Variants in WDR81 observed in about 807,000 individuals in gnomAD.
WDR81 encodes WD repeat-containing protein 81.
A neutral mutation model predicts 140.8 loss-of-function variants in WDR81; 92 were observed. The ratio of observed to expected loss-of-function variants is 0.65; its 90% CI spans 0.55 to 0.78. WDR81 has a LOEUF of 0.78. Among genes scored for constraint, WDR81 ranks in the 30% least tolerant of loss-of-function variants. The pLI, the probability that WDR81 is intolerant of heterozygous loss-of-function variation, is 0.00. For synonymous variants in WDR81, 1,183 were observed against 1,156.4 expected (o/e 1.02, Z -0.47); for missense variants, 2,502 against 2,636.4 (o/e 0.95, Z 1.12).
At position 1,726,085 on chromosome 17, in the gene WDR81, G is replaced by A; in HGVS notation, c.1126G>A (p.Asp376Asn). 1 of 1,547,814 alleles carries A rather than the reference G, an allele frequency of 6.5e-7. No individual in the cohort carries two copies. Among genetic ancestry groups the A allele is most frequent in the Non-Finnish European group, 8.7e-7 (1 of 1,145,146 alleles). Residue 376 changes from aspartate to asparagine, a missense_variant, in exon 1 of 10, where the codon GAC (aspartate) becomes AAC (asparagine). Asp to Asn is a conservative substitution (Grantham distance 23, BLOSUM62 1). This residue lies in a region of WDR81 where 547 missense variants were observed against 513.8 expected (regional missense o/e 1.06). Coordinates refer to ENST00000409644, the MANE Select transcript of WDR81 (RefSeq NM_001163809.2). ...TCGGTTGGCAGGTCGGCGGCAGGGG[G>A]ACCCCAACTACCACCCCGTGCTGCC... The part of the protein sequence containing the change: ...LNRLAGRRQG[D>N]PNYHPVLPWV...
chr17:1,725,143 TGGCTGGCCAGCCTCCGCGATCGCC>T lies in WDR81; in HGVS notation c.190_213del (p.Ala64_Leu71del). ...CGTGGTGGCCCTAGTGCCTGCGCGC[TGGCTGGCCAGCCTCCGCGATCGCC>T]GGCTGCCCCTGGGACCCTGTCCCCG... On this transcript the variant is annotated inframe_deletion, in exon 1 of 10. Coordinates refer to ENST00000409644, the MANE Select transcript of WDR81 (RefSeq NM_001163809.2). The T allele has an allele frequency of 6.5e-7, 1 of 1,531,794 alleles. No homozygotes were observed. The highest frequency in any genetic ancestry group is 8.7e-7 in the Non-Finnish European group (1 of 1,143,000). The allele number at this position is 1,531,794 out of a possible 1,614,324, so 94.9% of individuals were successfully genotyped here.
In WDR81 at chr17:1,728,424, AGAG is replaced by A. The variant is rs771114477; in HGVS notation, c.3477_3479del (p.Glu1159del). 53 of 1,612,194 alleles carry A rather than the reference AGAG, an allele frequency of 3.3e-5. No individual in the cohort carries two copies. Among genetic ancestry groups the A allele is most frequent in the Admixed American group, 2.8e-4 (17 of 59,900 alleles). On this transcript the variant is annotated inframe_deletion, in exon 1 of 10. Transcript: ENST00000409644. ...AGCAAAGCGAGGGCTCCGAGGAGGA[AGAG>A]GAGGAGGAGGACAGCTGCGTGGTGC...
chr17:1,727,955 C>T lies in WDR81; in HGVS notation c.2996C>T (p.Ala999Val). The change falls in exon 1 of 10, where the codon GCA becomes GTA. Residue 999 changes from alanine to valine, a missense_variant. Around this residue, in one of 3 missense-constraint regions of WDR81, gnomAD observed 1,737 missense variants for 1,843.0 expected, o/e 0.94. Transcript: ENST00000409644. The part of the protein sequence containing the change: ...AQLMVRLGLQ[A>V]FLTHLLPHVL... ...CTGATGGTGCGGCTGGGCCTGCAGG[C>T]ATTTCTCACTCACCTGCTGCCCCAT... The T allele has an allele frequency of 1.3e-6, 2 of 1,550,266 alleles. No homozygotes were observed. The highest frequency in any genetic ancestry group is 1.7e-6 in the Non-Finnish European group (2 of 1,147,008).
At position 1,733,524 on chromosome 17, in the gene WDR81, C is replaced by A. The variant is rs1258734789; in HGVS notation, c.4490-3C>A. Reference sequence around the variant, plus strand: ...TCTCAGGACCTCTCCCACTCCTATCCAGGTGACATCATCCGGAAAATCATC... The same window carrying A: ...TCTCAGGACCTCTCCCACTCCTATCAAGGTGACATCATCCGGAAAATCATC... On this transcript the variant is annotated splice_region_variant and splice_polypyrimidine_tract_variant and intron_variant, in intron 6 of 9. Transcript: ENST00000409644. 1 of 1,515,802 alleles carries A rather than the reference C, an allele frequency of 6.6e-7. No homozygotes were observed. The highest frequency in any genetic ancestry group is 8.8e-7 in the Non-Finnish European group (1 of 1,133,400). The allele number at this position is 1,515,802 out of a possible 1,614,324, so 93.9% of individuals were successfully genotyped here. A position where few individuals can be genotyped will look rare whatever the true frequency, so the allele number is the denominator to read the frequency against.
At chr17:1,724,676 G>C (rs1915088865), upstream of WDR81, 1 of 1,055,676 alleles carries the variant, frequency 9.5e-7, no homozygotes, top group Non-Finnish European at 1.1e-6. Flanking sequence ...GCTTGTTTCC[G>C]TGCTGGGGCG....
At chr17:1,718,316 C>A (rs1374672686) in intron 1 of WDR81, among the ~76,000 whole-genome samples, 1 of 152,176 alleles carries the variant, frequency 6.6e-6, no homozygotes, top group East Asian at 1.9e-4. Context: ...TGGTGTTTTG[C>A]CATGTGGGCC....
chr17:1,720,254 G>C (rs568174287), upstream of WDR81, among the ~76,000 whole-genome samples: 107 of 152,264 alleles, frequency 7.0e-4, no homozygotes, highest in African/African-American at 2.5e-3. Context: ...ACTGAGGCTG[G>C]CCAAGGGGAG....
chr17:1,719,228 A>T (rs1567713745), intron 1 of WDR81, among the ~76,000 whole-genome samples: 1 of 152,194 alleles, frequency 6.6e-6, no homozygotes, highest in Non-Finnish European at 1.5e-5. Context: ...TGTTGTAGGG[A>T]TTTCAACATT....
intron 9 of WDR81, among the ~76,000 whole-genome samples, chr17:1,736,611 G>C (rs935130054): frequency 2.0e-5 from 3 of 152,212 alleles, no homozygotes; most frequent in African/African-American, 7.2e-5. Flanking sequence ...TTTACTGCCT[G>C]TAGACCGCTG....
intron 1 of WDR81, chr17:1,716,717 G>T: frequency 6.9e-7 from 1 of 1,452,018 alleles, no homozygotes; most frequent in Non-Finnish European, 9.4e-7. Context: ...TTGGAGTCGT[G>T]AGTGCTTCTT....
chr17:1,716,863 T>C (rs918215408), intron 1 of WDR81: 1 of 594,736 alleles, frequency 1.7e-6, no homozygotes, highest in Non-Finnish European at 3.0e-6. Context: ...TGGAGAGCTC[T>C]CCAGGGTTTT....
At position 1,727,977 on chromosome 17, in the gene WDR81, C is replaced by G; in HGVS notation, c.3018C>G (p.Pro1006=). 6.5e-7 allele frequency: 1 copy of G among 1,550,348 alleles called. No homozygotes were observed. The part of the protein sequence containing the change: ...GLQAFLTHLL[P]HVLQVLAGAE... ...AGGCATTTCTCACTCACCTGCTGCC[C>G]CATGTCCTGCAGGTGCTGGCGGGCG... Residue 1006 remains proline, a synonymous_variant, in exon 1 of 10, where the codon CCC becomes CCG. Coordinates refer to ENST00000409644, the MANE Select transcript of WDR81 (RefSeq NM_001163809.2).
intron 5 of WDR81, 66 bp downstream of exon 5, chr17:1,732,556 C>T: frequency 6.3e-7 from 1 of 1,577,762 alleles, no homozygotes; most frequent in East Asian, 2.3e-5. Context: ...ACCCCCTGGG[C>T]ATCTTGCTCA....
rs1043015776 is a variant in WDR81, at chr17:1,738,583, C to G, written c.*898C>G. ...AGGACCAATAAATCCTTTGGAAGAGCCATGGGGTGAACTGAGGCTTGTCTT... is the reference window on the plus strand; with the variant it reads ...AGGACCAATAAATCCTTTGGAAGAGGCATGGGGTGAACTGAGGCTTGTCTT... On this transcript the variant is annotated 3_prime_UTR_variant, in exon 10 of 10. Coordinates refer to ENST00000409644, the MANE Select transcript of WDR81 (RefSeq NM_001163809.2). 3 of 151,338 alleles carry G rather than the reference C, an allele frequency of 2.0e-5. No homozygotes were observed. Among genetic ancestry groups the G allele is most frequent in the Non-Finnish European group, 2.9e-5 (2 of 68,468 alleles). The allele number at this position is 151,338 out of a possible 1,614,324, so 9.4% of individuals were successfully genotyped here. A position where few individuals can be genotyped will look rare whatever the true frequency, so the allele number is the denominator to read the frequency against.
In WDR81 at chr17:1,727,746, C is replaced by T. The variant is rs1238189461; in HGVS notation, c.2787C>T (p.Leu929=). ...TGGAGATCCTGCTGCCCTTCGTGCT[C>T]TCACTCATGTCCGAGGAGCACACAG... The part of the protein sequence containing the change: ...EGLEILLPFV[L]SLMSEEHTAV... Residue 929 remains leucine, a synonymous_variant, in exon 1 of 10, where the codon CTC becomes CTT. Transcript: ENST00000409644. 2 of 1,550,640 alleles carry T rather than the reference C, an allele frequency of 1.3e-6. No individual in the cohort carries two copies. Among genetic ancestry groups the T allele is most frequent in the African/African-American group, 1.4e-5 (1 of 73,062 alleles).
chr17:1,725,537 G>A lies in WDR81; in HGVS notation c.578G>A (p.Gly193Asp). 1 of 1,545,292 alleles carries A rather than the reference G, an allele frequency of 6.5e-7. No individual in the cohort carries two copies. Among genetic ancestry groups the A allele is most frequent in the Non-Finnish European group, 8.7e-7 (1 of 1,146,970 alleles). Residue 193 changes from glycine to aspartate, a missense_variant, in exon 1 of 10, where the codon GGT becomes GAT. Coordinates refer to ENST00000409644, the MANE Select transcript of WDR81 (RefSeq NM_001163809.2). ...RVYGCSFLPV[G>D]ETTQCPSYAR... ...TATGGTTGCTCCTTCCTGCCAGTGG[G>A]TGAAACTACCCAATGCCCTTCATAT...
intron 1 of WDR81, among the ~76,000 whole-genome samples, chr17:1,717,748 A>G (rs1346087151): frequency 6.6e-6 from 1 of 152,088 alleles, no homozygotes; most frequent in Non-Finnish European, 1.5e-5. Context: ...CCATCACTCC[A>G]AGACTGTCTC....
rs2151159847 is a variant in WDR81, at chr17:1,724,710, C to G, written c.-250C>G. 2 of 1,088,862 alleles carry G rather than the reference C, an allele frequency of 1.8e-6. No homozygotes were observed. The highest frequency in any genetic ancestry group is 4.1e-4 in the Middle Eastern group (1 of 2,462). The allele number at this position is 1,088,862 out of a possible 1,614,324, so 67.5% of individuals were successfully genotyped here. A position where few individuals can be genotyped will look rare whatever the true frequency, so the allele number is the denominator to read the frequency against. ...CGATCACGTGACCCGCGTCAGCTGA[C>G]CCGTCACGGTGGAGCCCGGTGCTCG... is the stretch of plus-strand genomic sequence containing the variant. On this transcript the variant is annotated 5_prime_UTR_variant, in exon 1 of 10. Coordinates refer to ENST00000409644, the MANE Select transcript of WDR81 (RefSeq NM_001163809.2).
chr17:1,736,000 G>A lies in WDR81; in HGVS notation c.5326-39G>A, dbSNP rs1426009232. 3 of 1,557,414 alleles carry A rather than the reference G, an allele frequency of 1.9e-6. No homozygotes were observed. The Admixed American group carries it at 5.2e-5, about 27-fold the overall frequency. On this transcript the variant is annotated intron_variant, in intron 8 of 9. Transcript: ENST00000409644. The surrounding 1 kb of genome is among the most constrained non-coding windows in gnomAD (Gnocchi z 4.2). ...GCAGGGCCTTGGGGAGTGTGAGATG[G>A]GAAGGTGGTGCCTCAGCTCAGCCGC...
Sources: allele counts gnomAD v4.1 joint callset (sites outside exome capture counted in the v4.1 genomes callset), GRCh38; gene constraint gnomAD v4.1.1; regional missense constraint gnomAD v4.1.1; non-coding constraint Gnocchi (gnomAD v3.1); transcripts MANE v1.5; gene names NCBI Gene and HGNC (gene_info 2026-07-23, HGNC 2026-07-21).